The following MBD5 variants were observed in gnomAD, a reference collection of about 807,000 sequenced individuals.
MBD5 encodes the protein methyl-CpG binding domain protein 5.
Under a neutral mutation model 117.3 loss-of-function variants are expected in MBD5, and 13 were observed. That is an observed-to-expected ratio of 0.11 (90% confidence interval 0.07 to 0.18). The LOEUF (loss-of-function observed/expected upper bound fraction) is 0.18. Ranked by LOEUF, MBD5 falls within the 10% of genes least tolerant of loss-of-function variation. The pLI is 1.00. For synonymous variants in MBD5, 727 were observed against 766.4 expected (o/e 0.95, Z 0.85); for missense variants, 1,879 against 2,093.8 (o/e 0.90, Z 2.00).
Position 148,490,218 on chromosome 2 carries a change from G to T in MBD5, c.4586G>T (p.Arg1529Leu). ...RCAHINGNRPRQSRGFGELLS... is the reference protein window; with the variant it reads ...RCAHINGNRPLQSRGFGELLS... ...GCACACATAAATGGGAATAGACCTC[G>T]ACAGAGTCGGGGATTTGGAGAGCTG... The change falls in exon 11 of 14, where the codon CGA becomes CTA. Residue 1529 changes from arginine (R) to leucine (L), a missense_variant. Arg to Leu is a moderately radical substitution (Grantham distance 102, BLOSUM62 -2). Transcript: ENST00000642680. 4 of 1,614,158 alleles carry T rather than the reference G, an allele frequency of 2.5e-6. No homozygotes were observed. The highest frequency in any genetic ancestry group is 3.4e-6 in the Non-Finnish European group (4 of 1,180,028).
At chr2:148,183,415 T>C (rs1698575549) in intron 2 of MBD5, among the ~76,000 whole-genome samples, 1 of 152,100 alleles carries the variant, frequency 6.6e-6, no homozygotes, top group South Asian at 2.1e-4. Context: ...GAAATAGTAA[T>C]TATAATCATA....
At chr2:148,224,516 T>C (rs1346975086) in intron 2 of MBD5, among the ~76,000 whole-genome samples, 6 of 133,402 alleles carry the variant, frequency 4.5e-5, no homozygotes, top group African/African-American at 1.7e-4. Context: ...CTAATTTTTT[T>C]TTTTTTTTTT....
intron 3 of MBD5, among the ~76,000 whole-genome samples, chr2:148,296,883 T>TTTTTTTTTTTTTTTTTTTTTTTTTTTC (rs1260298744): frequency 7.2e-6 from 1 of 138,720 alleles, no homozygotes. Flanking sequence ...TTTTTTTTTT[T>TTTTTTTTTTTTTTTTTTTTTTTTTTTC]TGGAGACAGA....
chr2:148,496,064 A>G (rs1458015126), intron 11 of MBD5, among the ~76,000 whole-genome samples: 2 of 152,348 alleles, frequency 1.3e-5, no homozygotes, highest in Non-Finnish European at 2.9e-5. Flanking sequence ...CTTTGGTACT[A>G]TAATTCTCTG....
intron 1 of MBD5, among the ~76,000 whole-genome samples, chr2:148,118,770 G>A (rs1296493919): frequency 1.3e-5 from 2 of 152,088 alleles, no homozygotes; most frequent in South Asian, 2.1e-4. Flanking sequence ...CATACAAATG[G>A]AATCATACCA....
At chr2:148,419,270 T>C (rs1036291324) in intron 4 of MBD5, among the ~76,000 whole-genome samples, 1 of 152,082 alleles carries the variant, frequency 6.6e-6, no homozygotes, top group Non-Finnish European at 1.5e-5. Context: ...CTGATAACCA[T>C]ACAAATTTGG....
intron 4 of MBD5, among the ~76,000 whole-genome samples, chr2:148,420,248 C>A (rs915575593): frequency 6.6e-6 from 1 of 152,110 alleles, no homozygotes; most frequent in East Asian, 1.9e-4. Context: ...TACTTTCCTT[C>A]CTCCCTTATA....
At chr2:148,462,718 T>C in intron 6 of MBD5, 34 bp downstream of exon 6, 1 of 1,355,826 alleles carries the variant, frequency 7.4e-7, no homozygotes, top group South Asian at 1.2e-5. Flanking sequence ...CAGCAGTGTT[T>C]TATTTTTTAG....
chr2:148,341,846 A>G (rs1210076241), intron 3 of MBD5, among the ~76,000 whole-genome samples: 1 of 111,442 alleles, frequency 9.0e-6, no homozygotes, highest in Non-Finnish European at 2.0e-5. Flanking sequence ...ATTGTTGAAT[A>G]AATATCAAAT....
In MBD5 at chr2:148,215,688, ATTT is replaced by A. The variant is rs66589231; in HGVS notation, c.-830-17539_-830-17537del. Among the ~76,000 whole-genome samples the A allele has an allele frequency of 1.9e-3, 245 of 131,986 alleles. 1 individual carries two copies. The highest frequency in any genetic ancestry group is 5.1e-3 in the African/African-American group (180 of 35,174). The allele number at this position is 131,986 out of a possible 152,430, so 86.6% of individuals were successfully genotyped here. On this transcript the variant is annotated intron_variant, in intron 2 of 13. Transcript: ENST00000642680. ...AGGTGTGCAGCACCATGCCCGGCTA[ATTT>A]TTTTTTTTTTTTTTTTTGGTAGAAA...
chr2:148,229,380 A>T (rs561444499), intron 2 of MBD5, among the ~76,000 whole-genome samples: 28 of 152,116 alleles, frequency 1.8e-4, no homozygotes, highest in Middle Eastern at 3.4e-3. Context: ...ATCAGATAGG[A>T]TTCTGAATTC....
chr2:148,491,037 A>T (rs1447563838), intron 11 of MBD5, among the ~76,000 whole-genome samples: 1 of 152,200 alleles, frequency 6.6e-6, no homozygotes, highest in Non-Finnish European at 1.5e-5. Flanking sequence ...CATCTCCTCC[A>T]TGTGCTTACA....
intron 1 of MBD5, among the ~76,000 whole-genome samples, chr2:148,096,348 G>C (rs1037333383): frequency 2.0e-5 from 3 of 152,100 alleles, no homozygotes; most frequent in African/African-American, 7.2e-5. Flanking sequence ...AGTGGATACA[G>C]GTCATGGATG....
chr2:148,022,647 C>A (rs903092340), intron 1 of MBD5, among the ~76,000 whole-genome samples: 5 of 152,114 alleles, frequency 3.3e-5, no homozygotes, highest in African/African-American at 1.2e-4. Flanking sequence ...TATTTATTTA[C>A]TGTTGTAAAT....
chr2:148,260,733 A>T, intron 3 of MBD5: 3 of 175,262 alleles, frequency 1.7e-5, no homozygotes, highest in Non-Finnish European at 3.8e-5. Flanking sequence ...TGGCATCTAG[A>T]ATGGTAAATC....
At position 148,469,069 on chromosome 2, in the gene MBD5, A is replaced by T. The variant is rs1423316449; in HGVS notation, c.1126A>T (p.Ile376Phe). The T allele has an allele frequency of 6.2e-7, 1 of 1,613,932 alleles. No individual in the cohort carries two copies. The highest frequency in any genetic ancestry group is 8.5e-7 in the Non-Finnish European group (1 of 1,179,990). The change falls in exon 8 of 14, where the codon ATT becomes TTT. Residue 376 changes from isoleucine to phenylalanine, a missense_variant. By Grantham distance (21) the Ile-to-Phe change is conservative (BLOSUM62 0). Around this residue, in one of 4 missense-constraint regions of MBD5, gnomAD observed 1,666 missense variants for 1,792.2 expected, o/e 0.93. Transcript: ENST00000642680. ...SKPVNQNPVIINPTSFHSNVH... is the reference protein window; with the variant it reads ...SKPVNQNPVIFNPTSFHSNVH... ...ACCAGTGAATCAGAACCCTGTTATC[A>T]TTAATCCAACCAGTTTCCATTCAAA...
At chr2:148,495,050 T>G (rs1681659222) in intron 11 of MBD5, among the ~76,000 whole-genome samples, 1 of 152,214 alleles carries the variant, frequency 6.6e-6, no homozygotes, top group African/African-American at 2.4e-5. Context: ...GCAAGTTTCT[T>G]TCTGAACCAT....
intron 4 of MBD5, among the ~76,000 whole-genome samples, chr2:148,412,394 T>G (rs555831587): frequency 6.6e-6 from 1 of 151,986 alleles, no homozygotes; most frequent in East Asian, 1.9e-4. Context: ...GATAATGTGA[T>G]GTTTCCACCT....
At chr2:148,109,736 A>G (rs1177467140) in intron 1 of MBD5, among the ~76,000 whole-genome samples, 1 of 152,186 alleles carries the variant, frequency 6.6e-6, no homozygotes, top group Non-Finnish European at 1.5e-5. Flanking sequence ...GTTACAAGTA[A>G]CACCTCTTGG....
Sources: gnomAD v4.1 joint callset for allele counts (sites outside exome capture counted in the v4.1 genomes callset) on GRCh38, gnomAD v4.1.1 for gene constraint, gnomAD v4.1.1 regional missense constraint, MANE v1.5 for transcripts, NCBI Gene and HGNC (gene_info 2026-07-23, HGNC 2026-07-21) for gene names.